Variants in PGAP4 observed in about 807,000 individuals in gnomAD.
PGAP4 encodes the protein post-GPI attachment to proteins GalNAc transferase 4, also known as GPI-N-acetylgalactosamine transferase PGAP4.
Under a neutral mutation model 28.2 loss-of-function variants are expected in PGAP4, and 12 were observed. That is an observed-to-expected ratio of 0.42 (90% CI 0.27 to 0.69). The LOEUF (loss-of-function observed/expected upper bound fraction) is 0.69. Ranked by LOEUF, PGAP4 falls within the 30% of genes least tolerant of loss-of-function variation. PGAP4 has a pLI of 0.22. For synonymous variants in PGAP4, 205 were observed against 211.8 expected (o/e 0.97, Z 0.28); for missense variants, 425 against 513.5 (o/e 0.83, Z 1.67).
At chr9:101,498,207 A>T (rs762734194) in intron 2 of PGAP4, among the ~76,000 whole-genome samples, 16 of 151,904 alleles carry the variant, frequency 1.1e-4, no homozygotes, top group Non-Finnish European at 5.9e-5. Flanking sequence ...TGTATGAGAA[A>T]AACCTCTCCC....
chr9:101,496,215 C>T (rs1050278200), intron 2 of PGAP4, among the ~76,000 whole-genome samples: 3 of 151,110 alleles, frequency 2.0e-5, no homozygotes, highest in Non-Finnish European at 4.4e-5. Flanking sequence ...GGGTTAAAAC[C>T]AGAGAAAGAA....
intron 2 of PGAP4, among the ~76,000 whole-genome samples, chr9:101,523,962 G>T (rs1014781185): frequency 3.3e-5 from 5 of 151,862 alleles, no homozygotes; most frequent in Admixed American, 2.6e-4. Flanking sequence ...TTTTCCTATG[G>T]ATGTGGCTTC....
chr9:101,476,572 T>G lies in PGAP4; in HGVS notation c.521A>C (p.Asp174Ala), dbSNP rs1475378974. The G allele has an allele frequency of 6.2e-7, 1 of 1,614,200 alleles. No individual in the cohort carries two copies. The highest frequency in any genetic ancestry group is 1.1e-5 in the South Asian group (1 of 91,084). ...VANRYEGTED[D>A]YGDDPSTNSF... ...GTTGGTCGAAGGGTCATCACCATAA[T>G]CATCCTCAGTGCCCTCATAGCGATT... The change falls in exon 2 of 2, where the codon GAT (aspartate) becomes GCT (alanine). Residue 174 changes from aspartate (D) to alanine (A), a missense_variant. Physicochemically the swap from Asp to Ala is moderately radical, Grantham distance 126 (BLOSUM62 -2). Transcript: ENST00000374848. This position sits in a 1 kb window ranked among gnomAD's most constrained non-coding sequence, Gnocchi z 7.0.
intron 2 of PGAP4, among the ~76,000 whole-genome samples, chr9:101,513,238 C>T (rs987574298): frequency 2.0e-5 from 3 of 152,128 alleles, no homozygotes; most frequent in African/African-American, 7.2e-5. Flanking sequence ...TCTGCAATTG[C>T]TCATAAACCT....
At chr9:101,519,744 C>G (rs560159739) in intron 2 of PGAP4, among the ~76,000 whole-genome samples, 3 of 151,788 alleles carry the variant, frequency 2.0e-5, no homozygotes, top group Admixed American at 6.6e-5. Flanking sequence ...AGCTATTTAT[C>G]TTTGTTTTTA....
intron 2 of PGAP4, among the ~76,000 whole-genome samples, chr9:101,525,433 G>T (rs183021684): frequency 1.1e-4 from 16 of 151,814 alleles, no homozygotes; most frequent in African/African-American, 3.9e-4. Flanking sequence ...GTTGGCGGGC[G>T]CAGTGGCTCA....
intron 2 of PGAP4, among the ~76,000 whole-genome samples, chr9:101,529,224 C>T (rs565141214): frequency 1.4e-5 from 2 of 145,406 alleles, no homozygotes; most frequent in African/African-American, 5.1e-5. Context: ...GGTGTGATCT[C>T]GGCTCACTGC....
chr9:101,479,484 G>A (rs150781121), intron 1 of PGAP4, among the ~76,000 whole-genome samples: 128 of 152,306 alleles, frequency 8.4e-4, no homozygotes, highest in African/African-American at 3.0e-3. Flanking sequence ...TGTCAGGGGG[G>A]AAAGAAATGG....
At chr9:101,498,100 T>G (rs1443476461) in intron 2 of PGAP4, among the ~76,000 whole-genome samples, 1 of 151,856 alleles carries the variant, frequency 6.6e-6, no homozygotes, top group Admixed American at 6.6e-5. Flanking sequence ...CAGGGCAGTT[T>G]GATTTTTAAA....
intron 2 of PGAP4, among the ~76,000 whole-genome samples, chr9:101,507,935 C>T (rs1005958398): frequency 6.0e-5 from 9 of 150,630 alleles, no homozygotes; most frequent in African/African-American, 2.2e-4. Flanking sequence ...TGAGAGCAGA[C>T]CAATCTCTTA....
chr9:101,479,017 T>C (rs557581143), intron 1 of PGAP4, among the ~76,000 whole-genome samples: 12 of 152,332 alleles, frequency 7.9e-5, no homozygotes, highest in African/African-American at 2.4e-4. Flanking sequence ...GATTGTACTA[T>C]GGGACTCCAA....
At chr9:101,499,345 A>T (rs1251769358) in intron 2 of PGAP4, among the ~76,000 whole-genome samples, 1 of 151,802 alleles carries the variant, frequency 6.6e-6, no homozygotes, top group Non-Finnish European at 1.5e-5. Context: ...TCCAATAGTG[A>T]CCTTTTTCAC....
chr9:101,499,015 C>T (rs998075491), intron 2 of PGAP4, among the ~76,000 whole-genome samples: 22 of 151,994 alleles, frequency 1.4e-4, no homozygotes, highest in Admixed American at 8.5e-4. Context: ...CTAAACTACA[C>T]ATGGAACCCA....
At chr9:101,495,854 C>G (rs1247551615) in intron 2 of PGAP4, among the ~76,000 whole-genome samples, 2 of 150,266 alleles carry the variant, frequency 1.3e-5, no homozygotes, top group African/African-American at 4.9e-5. Flanking sequence ...CAAACCAAAA[C>G]AAAACAAAAA....
At chr9:101,525,527 C>T (rs1329022947) in intron 2 of PGAP4, among the ~76,000 whole-genome samples, 3 of 151,424 alleles carry the variant, frequency 2.0e-5, no homozygotes, top group South Asian at 2.1e-4. Flanking sequence ...GCCAACATGG[C>T]GAAACCCTGT....
intron 2 of PGAP4, among the ~76,000 whole-genome samples, chr9:101,495,263 A>G (rs1588204625): frequency 1.1e-5 from 1 of 87,634 alleles, no homozygotes; most frequent in Non-Finnish European, 2.0e-5. Context: ...TATAGTTTAT[A>G]TATTTTATAT....
At chr9:101,532,931 A>G (rs1276342526) in exon 1 of PGAP4, 1 of 152,224 alleles carries the variant, frequency 6.6e-6, no homozygotes, top group Non-Finnish European at 1.5e-5. Context: ...AAAAAGATAT[A>G]GCGATCATTC....
At position 101,475,079 on chromosome 9, in the gene PGAP4, T is replaced by G. The variant is rs1826259877; in HGVS notation, c.*802A>C. Reference sequence around the variant, plus strand: ...GCCAGGAAAGTCAGGAAAAATGATATGCTACTTGTAAAGAGCTCCCCTATA... The same window carrying G: ...GCCAGGAAAGTCAGGAAAAATGATAGGCTACTTGTAAAGAGCTCCCCTATA... On this transcript the variant is annotated 3_prime_UTR_variant, in exon 2 of 2. Coordinates refer to ENST00000374848, the MANE Select transcript of PGAP4 (RefSeq NM_032342.3). 6.6e-6 allele frequency: 1 copy of G among 151,398 alleles called. No homozygotes were observed. The highest frequency in any genetic ancestry group is 2.4e-5 in the African/African-American group (1 of 41,098). 9.4% of individuals were successfully genotyped at this position (151,398 alleles called of 1,614,324 possible).
Position 101,476,907 on chromosome 9 carries a change from G to C in PGAP4, c.186C>G (p.Ser62Arg), listed in dbSNP as rs1395786875. 6.2e-7 allele frequency: 1 copy of C among 1,613,978 alleles called. No individual in the cohort carries two copies. The highest frequency in any genetic ancestry group is 1.7e-5 in the Admixed American group (1 of 60,024). Residue 62 changes from serine to arginine, a missense_variant, in exon 2 of 2, where the codon AGC (serine) becomes AGG (arginine). Transcript: ENST00000374848. This position sits in a 1 kb window ranked among gnomAD's most constrained non-coding sequence, Gnocchi z 7.0. ...YLRHWHLNQM[S>R]QEFLQQSLKE... ...TCAAGCTTTGCTGCAGGAACTCTTG[G>C]CTCATTTGGTTCAGATGCCAATGGC...
Sources: gnomAD v4.1 joint callset for allele counts (sites outside exome capture counted in the v4.1 genomes callset) on GRCh38, gnomAD v4.1.1 for gene constraint, Gnocchi (gnomAD v3.1) non-coding constraint, MANE v1.5 for transcripts, NCBI Gene and HGNC (gene_info 2026-07-23, HGNC 2026-07-21) for gene names.